Variants in SERGEF observed in about 807,000 individuals in gnomAD.
SERGEF encodes secretion regulating guanine nucleotide exchange factor, also known as secretion-regulating guanine nucleotide exchange factor.
A neutral mutation model predicts 50.0 loss-of-function variants in SERGEF; 51 were observed. That is an observed-to-expected ratio of 1.02 (90% confidence interval 0.81 to 1.29). The LOEUF (loss-of-function observed/expected upper bound fraction) is 1.29. SERGEF is among the 50% of genes most tolerant of loss of function. The probability of loss-of-function intolerance (pLI) is 0.00; values close to 1 mark genes in which losing one functional copy is unlikely to be tolerated. For synonymous variants in SERGEF, 205 were observed against 212.4 expected (o/e 0.97, Z 0.30); for missense variants, 521 against 557.0 (o/e 0.94, Z 0.65).
intron 10 of SERGEF, among the ~76,000 whole-genome samples, chr11:17,842,285 A>G (rs1370576489): frequency 2.0e-5 from 3 of 152,154 alleles, no homozygotes; most frequent in Non-Finnish European, 4.4e-5. Context: ...TCCCTTTCTA[A>G]TAGTATTTCT....
chr11:17,986,474 A>G (rs1208050100), intron 8 of SERGEF, among the ~76,000 whole-genome samples: 2 of 152,228 alleles, frequency 1.3e-5, no homozygotes, highest in African/African-American at 4.8e-5. Flanking sequence ...ATGCTCTTGA[A>G]AGGAGGCAGA....
intron 9 of SERGEF, among the ~76,000 whole-genome samples, chr11:17,908,602 C>T (rs1419931928): frequency 6.6e-6 from 1 of 152,152 alleles, no homozygotes; most frequent in African/African-American, 2.4e-5. Flanking sequence ...ATCTCCTCAA[C>T]CATATTTTAA....
chr11:17,827,307 T>C (rs1850214652), intron 10 of SERGEF, among the ~76,000 whole-genome samples: 2 of 152,286 alleles, frequency 1.3e-5, no homozygotes, highest in South Asian at 4.1e-4. Context: ...CGCTGGATCA[T>C]AATCAGCTCC....
chr11:17,919,284 C>T (rs534797396), intron 9 of SERGEF, among the ~76,000 whole-genome samples: 34 of 152,228 alleles, frequency 2.2e-4, no homozygotes, highest in African/African-American at 7.7e-4. Flanking sequence ...AGGCTCAATA[C>T]TGCATCATGG....
rs1337989469 is a variant in SERGEF at position 17,817,377 on chromosome 11, G to A, written c.1049-28964C>T. On this transcript the variant is annotated intron_variant, in intron 10 of 10. Transcript: ENST00000265965. ...TTACAGGCACCCACCACCATGCCTG[G>A]CTAATTTTTTTTGTATTTTTAGTAG... Among the ~76,000 whole-genome samples, 6 of 152,046 alleles carry A rather than the reference G, an allele frequency of 3.9e-5. No individual in the cohort carries two copies. In the East Asian group the frequency reaches 1.2e-3, roughly 30 times the overall value.
At chr11:17,863,867 A>G (rs1850973010) in intron 10 of SERGEF, among the ~76,000 whole-genome samples, 1 of 152,234 alleles carries the variant, frequency 6.6e-6, no homozygotes, top group Non-Finnish European at 1.5e-5. Context: ...CATGCATGGC[A>G]AGTATAGATG....
intron 10 of SERGEF, among the ~76,000 whole-genome samples, chr11:17,823,230 G>A (rs1449385711): frequency 1.3e-5 from 2 of 152,182 alleles, no homozygotes; most frequent in Non-Finnish European, 2.9e-5. Flanking sequence ...GGGATTATGG[G>A]CTTGGAGGAG....
At chr11:18,002,136 C>T (rs1485317463) in intron 4 of SERGEF, 3 of 397,240 alleles carry the variant, frequency 7.6e-6, no homozygotes, top group Non-Finnish European at 1.5e-5. Context: ...ACATATTGTC[C>T]TTTATATTTT....
intron 9 of SERGEF, among the ~76,000 whole-genome samples, chr11:17,906,141 G>A (rs1482266725): frequency 6.6e-6 from 1 of 152,192 alleles, no homozygotes; most frequent in African/African-American, 2.4e-5. Context: ...CACTGACACT[G>A]TCAGAGGTGG....
At chr11:17,931,203 G>T (rs1852345474) in intron 9 of SERGEF, among the ~76,000 whole-genome samples, 1 of 152,236 alleles carries the variant, frequency 6.6e-6, no homozygotes, top group African/African-American at 2.4e-5. Context: ...ACTGCCAAAT[G>T]AAATTTACCC....
chr11:17,847,049 G>A (rs971086741), intron 10 of SERGEF, among the ~76,000 whole-genome samples: 1 of 152,252 alleles, frequency 6.6e-6, no homozygotes. Flanking sequence ...TGCGAGAAGT[G>A]AGCAAGCCTC....
chr11:17,864,900 AG>A (rs1432243450), intron 10 of SERGEF, among the ~76,000 whole-genome samples: 1 of 152,244 alleles, frequency 6.6e-6, no homozygotes, highest in African/African-American at 2.4e-5. Context: ...AACAGGACCC[AG>A]GAAGGCAGCC....
At chr11:17,985,061 T>C (rs190198168) in intron 8 of SERGEF, among the ~76,000 whole-genome samples, 160 of 152,328 alleles carry the variant, frequency 1.1e-3, no homozygotes, top group African/African-American at 3.4e-3. Flanking sequence ...GCCTACTGCA[T>C]GCAAGTAAAA....
At chr11:18,003,743 A>T (rs1359972388) in intron 4 of SERGEF, among the ~76,000 whole-genome samples, 2 of 152,198 alleles carry the variant, frequency 1.3e-5, no homozygotes, top group Non-Finnish European at 2.9e-5. Flanking sequence ...TATACTGATG[A>T]CATGCTGAAA....
rs540825238 is a variant in SERGEF, at chr11:17,830,685, A to AGAGAGAGT, written c.1049-42273_1049-42272insACTCTCTC. On this transcript the variant is annotated intron_variant, in intron 10 of 10. Transcript: ENST00000265965. ...GAGAGAGAGAGAGAGAGAGAGAGAGAGAGCACATGTACATGCAAGAGTAAG... is the reference window on the plus strand; with the variant it reads ...GAGAGAGAGAGAGAGAGAGAGAGAGAGAGAGAGTGAGCACATGTACATGCAAGAGTAAG... Among the ~76,000 whole-genome samples, 52 of 118,874 alleles carry AGAGAGAGT rather than the reference A, an allele frequency of 4.4e-4. 1 individual carries two copies. Among genetic ancestry groups the AGAGAGAGT allele is most frequent in the Non-Finnish European group, 8.0e-4 (44 of 54,752 alleles). The allele number at this position is 118,874 out of a possible 152,430, so 78.0% of individuals were successfully genotyped here.
intron 10 of SERGEF, among the ~76,000 whole-genome samples, chr11:17,877,262 G>A (rs762710932): frequency 1.3e-5 from 2 of 152,204 alleles, no homozygotes; most frequent in African/African-American, 4.8e-5. Flanking sequence ...GTTGTAACAA[G>A]AGTCCTAAAA....
intron 5 of SERGEF, among the ~76,000 whole-genome samples, chr11:17,998,649 T>G (rs1340309049): frequency 6.6e-6 from 1 of 151,118 alleles, no homozygotes; most frequent in East Asian, 1.9e-4. Context: ...GTAACTAGAT[T>G]TGCAGATAGG....
At chr11:17,860,750 G>A (rs990066843) in intron 10 of SERGEF, among the ~76,000 whole-genome samples, 2 of 152,178 alleles carry the variant, frequency 1.3e-5, no homozygotes, top group African/African-American at 4.8e-5. Context: ...AATAGGTTTA[G>A]CTTTTCTGAG....
At chr11:17,891,331 A>G (rs927649916) in intron 9 of SERGEF, among the ~76,000 whole-genome samples, 2 of 152,216 alleles carry the variant, frequency 1.3e-5, no homozygotes, top group African/African-American at 4.8e-5. Context: ...TGAGTCAGCA[A>G]TGTGACATAG....
Sources: allele counts gnomAD v4.1 joint callset (sites outside exome capture counted in the v4.1 genomes callset), GRCh38; gene constraint gnomAD v4.1.1; transcripts MANE v1.5; gene names NCBI Gene and HGNC (gene_info 2026-07-23, HGNC 2026-07-21).